Variants in LY96 observed in about 807,000 individuals in gnomAD.
The protein encoded by LY96 is myeloid differentiation protein-2.
In LY96, 18 loss-of-function variants were observed where a neutral mutation model predicts 18.9. That is an observed-to-expected ratio of 0.95 (90% CI 0.66 to 1.41). The LOEUF (loss-of-function observed/expected upper bound fraction) is 1.41. LY96 is among the 40% of genes most tolerant of loss of function. The pLI is 0.00. For missense variants in LY96, 175 were observed against 182.4 expected, an observed-to-expected ratio of 0.96 and a Z score of 0.23; for synonymous variants, 66 against 62.6, an observed-to-expected ratio of 1.06 and a Z score of -0.26.
At chr8:73,999,452 G>A (rs1255406786) in intron 1 of LY96, among the ~76,000 whole-genome samples, 5 of 152,014 alleles carry the variant, frequency 3.3e-5, no homozygotes, top group African/African-American at 1.2e-4. Flanking sequence ...TACAGACGGG[G>A]TTTTGCCATG....
chr8:74,074,487 A>G, the LY96 span, among the ~76,000 whole-genome samples: 1 of 151,700 alleles, frequency 6.6e-6, no homozygotes, highest in East Asian at 1.9e-4. Flanking sequence ...AATTTTATTT[A>G]TTTATGCTCT....
the LY96 span, among the ~76,000 whole-genome samples, chr8:74,064,344 T>C: frequency 8.9e-4 from 135 of 152,196 alleles, no homozygotes; most frequent in Non-Finnish European, 1.3e-3. Flanking sequence ...TCCCCAGTGT[T>C]GGAAGTAGGG....
At chr8:74,015,062 C>T (rs767918360) in intron 3 of LY96, among the ~76,000 whole-genome samples, 3 of 151,954 alleles carry the variant, frequency 2.0e-5, no homozygotes, top group Non-Finnish European at 2.9e-5. Context: ...CAAAAATTAG[C>T]TGGGTCTGGT....
chr8:74,089,649 C>T, the LY96 span, among the ~76,000 whole-genome samples: 1 of 151,116 alleles, frequency 6.6e-6, no homozygotes, highest in Non-Finnish European at 1.5e-5. Flanking sequence ...AAGTCCCTGC[C>T]CTCATGGAGT....
the LY96 span, among the ~76,000 whole-genome samples, chr8:74,067,070 G>A: frequency 6.6e-6 from 1 of 152,200 alleles, no homozygotes; most frequent in East Asian, 1.9e-4. Flanking sequence ...CATGTAGCAA[G>A]CTGCAGTTTG....
the LY96 span, among the ~76,000 whole-genome samples, chr8:74,054,821 G>A: frequency 2.0e-5 from 3 of 150,906 alleles, no homozygotes; most frequent in Non-Finnish European, 4.4e-5. Flanking sequence ...GTGCCGCCAT[G>A]CCCAGTTAAT....
At chr8:74,062,212 A>C in the LY96 span, among the ~76,000 whole-genome samples, 2 of 151,736 alleles carry the variant, frequency 1.3e-5, no homozygotes, top group Non-Finnish European at 2.9e-5. Flanking sequence ...GTGGCCAGGT[A>C]CTCTTTTAGT....
the LY96 span, among the ~76,000 whole-genome samples, chr8:74,062,938 T>G: frequency 6.6e-6 from 1 of 152,226 alleles, no homozygotes; most frequent in African/African-American, 2.4e-5. Flanking sequence ...CATAATACAT[T>G]ACCACTAAGC....
chr8:74,008,339 C>T (rs73335834), intron 2 of LY96, among the ~76,000 whole-genome samples: 7,513 of 152,284 alleles, frequency 0.049, 622 homozygotes, highest in African/African-American at 0.17. Flanking sequence ...CTGTCTTGTG[C>T]TTCTGTGTCT....
At chr8:74,086,482 T>C in the LY96 span, among the ~76,000 whole-genome samples, 6,759 of 152,276 alleles carry the variant, frequency 0.044, 275 homozygotes, top group African/African-American at 0.11. Flanking sequence ...ATCACGAGAA[T>C]TTCCATGGCT....
chr8:74,001,777 G>T (rs1344542253), intron 1 of LY96, among the ~76,000 whole-genome samples: 2 of 152,064 alleles, frequency 1.3e-5, no homozygotes, highest in Non-Finnish European at 1.5e-5. Flanking sequence ...GTTAGAAGCT[G>T]CAATGAGCTA....
intron 2 of LY96, among the ~76,000 whole-genome samples, chr8:74,009,374 C>CAAAAAAAAAAAAAAAAAAAA (rs370593442): frequency 3.4e-5 from 2 of 58,812 alleles, no homozygotes; most frequent in African/African-American, 5.2e-5. Context: ...CAGTCTTTCT[C>CAAAAAAAAAAAAAAAAAAAA]AAAAAAAAAA....
the LY96 span, among the ~76,000 whole-genome samples, chr8:74,069,837 G>C: frequency 6.6e-4 from 101 of 152,178 alleles, 1 homozygote; most frequent in African/African-American, 2.1e-3. Context: ...CCTGACCTCA[G>C]GTGATCCTCC....
At chr8:74,036,492 C>G in the LY96 span, among the ~76,000 whole-genome samples, 43,592 of 151,950 alleles carry the variant, frequency 0.29, 7,593 homozygotes, top group African/African-American at 0.5. Context: ...ATATTTTTCA[C>G]ACTGACCCCA....
the LY96 span, among the ~76,000 whole-genome samples, chr8:74,088,872 C>A: frequency 2.6e-5 from 4 of 152,314 alleles, no homozygotes; most frequent in East Asian, 7.7e-4. Flanking sequence ...AGGTGTGAAC[C>A]ACTGTGCCTG....
chr8:74,032,082 G>C (rs577567909), downstream of LY96, among the ~76,000 whole-genome samples: 1 of 152,172 alleles, frequency 6.6e-6, no homozygotes, highest in African/African-American at 2.4e-5. Context: ...CCGAAATTGT[G>C]CCACTGCACT....
chr8:74,055,196 C>T, the LY96 span, among the ~76,000 whole-genome samples: 7 of 152,180 alleles, frequency 4.6e-5, no homozygotes, highest in African/African-American at 1.7e-4. Context: ...GTGTGAGCCA[C>T]CATACTCGGC....
the LY96 span, among the ~76,000 whole-genome samples, chr8:74,085,969 G>A: frequency 1.3e-5 from 2 of 152,102 alleles, no homozygotes; most frequent in South Asian, 2.1e-4. Context: ...GTCACCCTGC[G>A]GTAAATTAGA....
chr8:74,075,317 C>T, the LY96 span, among the ~76,000 whole-genome samples: 1 of 152,232 alleles, frequency 6.6e-6, no homozygotes, highest in African/African-American at 2.4e-5. Flanking sequence ...AATGACCAGG[C>T]TGGAGTGCAG....
Sources: allele counts gnomAD v4.1 joint callset (sites outside exome capture counted in the v4.1 genomes callset), GRCh38; gene constraint gnomAD v4.1.1; transcripts MANE v1.5; gene names NCBI Gene and HGNC (gene_info 2026-07-23, HGNC 2026-07-21).